Variants in ROR1 observed in about 807,000 individuals in gnomAD.
ROR1 encodes the protein ROR family WNT receptor 1, also known as inactive tyrosine-protein kinase transmembrane receptor ROR1.
Under a neutral mutation model 78.8 loss-of-function variants are expected in ROR1, and 19 were observed. The observed-to-expected ratio is 0.24, with a 90% CI of 0.17 to 0.35. The LOEUF is 0.35. Among genes scored for constraint, ROR1 ranks in the 10% least tolerant of loss-of-function variants. ROR1 has a pLI of 1.00. For missense variants in ROR1, 917 were observed against 1,177.8 expected (o/e 0.78, Z 3.24); for synonymous variants, 386 against 433.6 (o/e 0.89, Z 1.36).
chr1:64,148,060 A>G (rs2100719000), intron 7 of ROR1, among the ~76,000 whole-genome samples: 1 of 152,330 alleles, frequency 6.6e-6, no homozygotes, highest in South Asian at 2.1e-4. Context: ...TACAATTGTA[A>G]ACTATAGAAT....
At chr1:63,897,196 A>G (rs1245656489) in intron 1 of ROR1, among the ~76,000 whole-genome samples, 1 of 152,218 alleles carries the variant, frequency 6.6e-6, no homozygotes, top group African/African-American at 2.4e-5. Flanking sequence ...TAGCAAGTTT[A>G]TGGCTTTCAT....
At chr1:64,084,967 A>G (rs1278654439) in intron 4 of ROR1, among the ~76,000 whole-genome samples, 1 of 152,222 alleles carries the variant, frequency 6.6e-6, no homozygotes, top group Non-Finnish European at 1.5e-5. Context: ...ATCCAGTTTC[A>G]AATAATTTTA....
At chr1:63,995,672 A>G (rs55700325) in intron 1 of ROR1, among the ~76,000 whole-genome samples, 6,533 of 152,278 alleles carry the variant, frequency 0.043, 501 homozygotes, top group African/African-American at 0.15. Flanking sequence ...ATTGAGCCTT[A>G]GAGTTCTCAT....
intron 1 of ROR1, among the ~76,000 whole-genome samples, chr1:63,884,478 A>T (rs1325065641): frequency 6.6e-6 from 1 of 152,208 alleles, no homozygotes; most frequent in Admixed American, 6.5e-5. Flanking sequence ...TTTGGCAATG[A>T]GGAAACAAAG....
At chr1:64,008,314 A>G (rs572524213) in intron 1 of ROR1, among the ~76,000 whole-genome samples, 1 of 152,336 alleles carries the variant, frequency 6.6e-6, no homozygotes, top group East Asian at 1.9e-4. Flanking sequence ...TTATGGCTAC[A>G]TAGTATTCCA....
chr1:64,068,044 A>G (rs1646973185), intron 4 of ROR1, among the ~76,000 whole-genome samples: 1 of 152,208 alleles, frequency 6.6e-6, no homozygotes, highest in Non-Finnish European at 1.5e-5. Flanking sequence ...GCATAAATTG[A>G]AAAGCAACAC....
chr1:64,097,443 T>C (rs556727453), intron 4 of ROR1, among the ~76,000 whole-genome samples: 1 of 152,274 alleles, frequency 6.6e-6, no homozygotes, highest in Non-Finnish European at 1.5e-5. Flanking sequence ...TAATTCCCAC[T>C]TGCCATGTAA....
At chr1:64,125,959 T>C (rs951357140) in intron 4 of ROR1, among the ~76,000 whole-genome samples, 1 of 152,200 alleles carries the variant, frequency 6.6e-6, no homozygotes, top group African/African-American at 2.4e-5. Context: ...GCTGTATTTC[T>C]GGAACATTCT....
At chr1:64,143,587 C>T (rs1425867075) in intron 7 of ROR1, among the ~76,000 whole-genome samples, 1 of 152,084 alleles carries the variant, frequency 6.6e-6, no homozygotes, top group Admixed American at 6.5e-5. Flanking sequence ...ACAAAGTGAG[C>T]TCGGTGTTTA....
chr1:63,963,253 A>G (rs143544190), intron 1 of ROR1, among the ~76,000 whole-genome samples: 2 of 152,168 alleles, frequency 1.3e-5, no homozygotes, highest in African/African-American at 4.8e-5. Context: ...TTTTTCTCCT[A>G]ATATCTATTT....
At chr1:63,907,890 G>A (rs993798428) in intron 1 of ROR1, among the ~76,000 whole-genome samples, 1 of 152,146 alleles carries the variant, frequency 6.6e-6, no homozygotes, top group Non-Finnish European at 1.5e-5. Context: ...ACCAAAGCTA[G>A]AGAAATAAAT....
At chr1:63,953,268 G>T (rs1212568195) in intron 1 of ROR1, among the ~76,000 whole-genome samples, 1 of 152,046 alleles carries the variant, frequency 6.6e-6, no homozygotes, top group African/African-American at 2.4e-5. Context: ...CAGTTTCCTT[G>T]TCTATAGAAT....
At chr1:63,922,378 AG>A (rs1012915895) in intron 1 of ROR1, among the ~76,000 whole-genome samples, 3 of 152,180 alleles carry the variant, frequency 2.0e-5, no homozygotes, top group African/African-American at 7.2e-5. Flanking sequence ...TTTTCAATTT[AG>A]TAGGTCAAAA....
chr1:64,107,975 T>A (rs1427036835), intron 4 of ROR1, among the ~76,000 whole-genome samples: 2 of 152,072 alleles, frequency 1.3e-5, no homozygotes, highest in African/African-American at 4.8e-5. Context: ...ATAAATGACA[T>A]GTTTAATTAT....
intron 1 of ROR1, among the ~76,000 whole-genome samples, chr1:63,824,554 T>TGCTTTGAG (rs1186717889): frequency 6.6e-6 from 1 of 152,162 alleles, no homozygotes; most frequent in African/African-American, 2.4e-5. Context: ...CTCAGAAGCA[T>TGCTTTGAG]GCTTTGAGGC....
intron 2 of ROR1, among the ~76,000 whole-genome samples, chr1:64,044,209 C>A (rs143637372): frequency 6.0e-4 from 92 of 152,250 alleles, no homozygotes; most frequent in African/African-American, 2.1e-3. Context: ...GTTCTGAAAG[C>A]CTTACACCAG....
chr1:64,177,860 T>C lies in ROR1; in HGVS notation c.1819T>C (p.Ser607Pro). 6.2e-7 allele frequency: 1 copy of C among 1,614,192 alleles called. No homozygotes were observed. The highest frequency in any genetic ancestry group is 8.5e-7 in the Non-Finnish European group (1 of 1,180,034). Residue 607 changes from serine to proline, a missense_variant, in exon 9 of 9, where the codon TCT becomes CCT. By Grantham distance (74) the Ser-to-Pro change is moderately conservative (BLOSUM62 -1). Transcript: ENST00000371079. ...IQIAAGMEYL[S>P]SHFFVHKDLA... The stretch of plus-strand genomic sequence containing the variant: ...GATTGCAGCTGGCATGGAATACCTG[T>C]CTAGTCACTTCTTTGTCCACAAGGA...
intron 1 of ROR1, among the ~76,000 whole-genome samples, chr1:63,935,614 C>T (rs1282232230): frequency 1.3e-5 from 2 of 152,180 alleles, no homozygotes; most frequent in Non-Finnish European, 2.9e-5. Flanking sequence ...TGTCCACATA[C>T]TTGATTACTG....
At chr1:64,128,344 C>T (rs371492249) in intron 4 of ROR1, among the ~76,000 whole-genome samples, 211 of 151,650 alleles carry the variant, frequency 1.4e-3, no homozygotes, top group African/African-American at 4.8e-3. Flanking sequence ...TGGCACAAGC[C>T]TGTAGTTACA....
Sources: gnomAD v4.1 joint callset for allele counts (sites outside exome capture counted in the v4.1 genomes callset) on GRCh38, gnomAD v4.1.1 for gene constraint, MANE v1.5 for transcripts, NCBI Gene and HGNC (gene_info 2026-07-23, HGNC 2026-07-21) for gene names.